LHFPL2: variants seen among roughly 807,000 people sequenced by gnomAD.
The protein encoded by LHFPL2 is LHFPL tetraspan subfamily member 2 protein.
In LHFPL2, 7 loss-of-function variants were observed where a neutral mutation model predicts 17.5. The observed-to-expected ratio is 0.40, with a 90% CI of 0.23 to 0.75. The LOEUF (loss-of-function observed/expected upper bound fraction) is 0.75. Ranked by LOEUF, LHFPL2 falls within the 30% of genes least tolerant of loss-of-function variation. LHFPL2 has a pLI of 0.37. For missense variants in LHFPL2, 241 were observed against 294.8 expected (o/e 0.82, Z 1.34); for synonymous variants, 134 against 116.2 (o/e 1.15, Z -0.99).
chr5:78,622,255 C>T (rs1383400350), intron 2 of LHFPL2, among the ~76,000 whole-genome samples: 1 of 152,126 alleles, frequency 6.6e-6, no homozygotes, highest in Non-Finnish European at 1.5e-5. Flanking sequence ...ACGCTCTGAG[C>T]ACCTTGGCTG....
Position 78,619,774 on chromosome 5 carries a change from C to T in LHFPL2, c.-245+12490G>A, listed in dbSNP as rs1413133707. ...TGCGGTGTTTGGTTTTTTGTCCTTG[C>T]AATAGTTTACTGAGAATGATGATTT... On this transcript the variant is annotated intron_variant, in intron 2 of 4. Transcript: ENST00000380345. Among the ~76,000 whole-genome samples, 25 of 134,392 alleles carry T rather than the reference C, an allele frequency of 1.9e-4. No individual in the cohort carries two copies. In the South Asian group the frequency reaches 5.5e-3, roughly 30 times the overall value. 88.2% of individuals were successfully genotyped at this position (134,392 alleles called of 152,430 possible). A position where few individuals can be genotyped will look rare whatever the true frequency, so the allele number is the denominator to read the frequency against.
intron 2 of LHFPL2, among the ~76,000 whole-genome samples, chr5:78,598,796 C>T (rs2112470001): frequency 6.6e-6 from 1 of 152,290 alleles, no homozygotes; most frequent in Non-Finnish European, 1.5e-5. Flanking sequence ...CAAATGAGAA[C>T]AATGACAATC....
At chr5:78,581,408 G>A (rs1220361389) in intron 2 of LHFPL2, among the ~76,000 whole-genome samples, 1 of 152,162 alleles carries the variant, frequency 6.6e-6, no homozygotes, top group East Asian at 1.9e-4. Flanking sequence ...TACACATTCA[G>A]TATGATATTG....
intron 2 of LHFPL2, among the ~76,000 whole-genome samples, chr5:78,594,664 T>C (rs1743764865): frequency 6.6e-6 from 1 of 152,212 alleles, no homozygotes; most frequent in African/African-American, 2.4e-5. Context: ...TTCCTAAGTG[T>C]TCCCCTGGGA....
At chr5:78,538,258 C>A (rs949217813) in intron 3 of LHFPL2, among the ~76,000 whole-genome samples, 41 of 152,332 alleles carry the variant, frequency 2.7e-4, no homozygotes, top group African/African-American at 9.6e-4. Flanking sequence ...GGGGTTCCAA[C>A]GTTCATGTCT....
At chr5:78,489,617 C>CA (rs965127040) in intron 4 of LHFPL2, among the ~76,000 whole-genome samples, 1 of 152,136 alleles carries the variant, frequency 6.6e-6, no homozygotes, top group South Asian at 2.1e-4. Flanking sequence ...AGGCTGGTCT[C>CA]AAACTCCTAA....
At chr5:78,571,157 C>A (rs546405320) in intron 2 of LHFPL2, among the ~76,000 whole-genome samples, 199 of 152,256 alleles carry the variant, frequency 1.3e-3, no homozygotes, top group African/African-American at 4.6e-3. Context: ...ACACCCACCC[C>A]CAGCTCATCT....
At chr5:78,546,734 G>A (rs1756288417) in intron 3 of LHFPL2, among the ~76,000 whole-genome samples, 1 of 152,106 alleles carries the variant, frequency 6.6e-6, no homozygotes, top group Non-Finnish European at 1.5e-5. Context: ...TATTGACTAC[G>A]AGTTTCTTGA....
chr5:78,641,649 A>C (rs1010437251), intron 1 of LHFPL2, among the ~76,000 whole-genome samples: 1 of 152,224 alleles, frequency 6.6e-6, no homozygotes, highest in African/African-American at 2.4e-5. Flanking sequence ...TTATTAAATC[A>C]AAGTCAGAAC....
chr5:78,488,841 C>T lies in LHFPL2; in HGVS notation c.*56G>A, dbSNP rs2112281534. ...TCTCCACTTGACTCAAATGATGAAA[C>T]TGTGGACTGTTTCACAAGATTACTC... On this transcript the variant is annotated 3_prime_UTR_variant, in exon 5 of 5. Coordinates refer to ENST00000380345, the MANE Select transcript of LHFPL2 (RefSeq NM_005779.3). 1.3e-6 allele frequency: 2 copies of T among 1,587,744 alleles called. No homozygotes were observed. Among genetic ancestry groups the T allele is most frequent in the Non-Finnish European group, 1.7e-6 (2 of 1,165,428 alleles).
intron 2 of LHFPL2, among the ~76,000 whole-genome samples, chr5:78,617,296 C>T (rs888103293): frequency 1.3e-5 from 2 of 152,176 alleles, no homozygotes; most frequent in Non-Finnish European, 2.9e-5. Context: ...TCCCAAAGTG[C>T]AGGGATTACA....
chr5:78,504,978 TGGCCGGTG>T (rs1754889092), intron 4 of LHFPL2, among the ~76,000 whole-genome samples: 1 of 152,220 alleles, frequency 6.6e-6, no homozygotes, highest in African/African-American at 2.4e-5. Context: ...AGCAGGCAGC[TGGCCGGTG>T]GCTCATGCTT....
intron 2 of LHFPL2, among the ~76,000 whole-genome samples, chr5:78,592,927 C>T (rs1162670431): frequency 1.3e-5 from 2 of 152,180 alleles, no homozygotes; most frequent in Non-Finnish European, 2.9e-5. Flanking sequence ...AGTTCTGGAG[C>T]TGGTGGTGAT....
intron 3 of LHFPL2, among the ~76,000 whole-genome samples, chr5:78,540,593 G>C (rs1290145735): frequency 6.6e-6 from 1 of 152,230 alleles, no homozygotes; most frequent in African/African-American, 2.4e-5. Context: ...AGGTCTCTGA[G>C]ATGGGAGGCC....
chr5:78,523,823 A>T (rs1755535256), intron 3 of LHFPL2, among the ~76,000 whole-genome samples: 1 of 152,216 alleles, frequency 6.6e-6, no homozygotes, highest in Non-Finnish European at 1.5e-5. Flanking sequence ...ATTAAAAGAA[A>T]AAAGTCCCAA....
Position 78,486,167 on chromosome 5 carries a change from CCA to C in LHFPL2, c.*2728_*2729del, listed in dbSNP as rs1189295383. The C allele has an allele frequency of 6.6e-6, 1 of 152,570 alleles. No homozygotes were observed. The highest frequency in any genetic ancestry group is 1.5e-5 in the Non-Finnish European group (1 of 68,032). 9.5% of individuals were successfully genotyped at this position (152,570 alleles called of 1,614,324 possible). ...TATATGTTTAACAAAGATCATTACA[CCA>C]CAGATGTTTGAAAACTATACAAAAA... On this transcript the variant is annotated 3_prime_UTR_variant, in exon 5 of 5. Transcript: ENST00000380345.
In LHFPL2 at chr5:78,585,562, C is replaced by T. The variant is rs573937616; in HGVS notation, c.-244-20691G>A. 1.9e-3 allele frequency among the ~76,000 whole-genome samples: 285 copies of T among 152,214 alleles called. 1 individual carries two copies. Among genetic ancestry groups the T allele is most frequent in the Non-Finnish European group, 3.4e-3 (233 of 68,008 alleles). On this transcript the variant is annotated intron_variant, in intron 2 of 4. Coordinates refer to ENST00000380345, the MANE Select transcript of LHFPL2 (RefSeq NM_005779.3). ...CTCAGATGGAAATGCAGAAATCACC[C>T]GTCTTCTGCGTCGCTCATGCTGGGA...
At position 78,583,889 on chromosome 5, in the gene LHFPL2, G is replaced by C. The variant is rs1432051275; in HGVS notation, c.-244-19018C>G. Among the ~76,000 whole-genome samples, 215 of 149,284 alleles carry C rather than the reference G, an allele frequency of 1.4e-3. 7 individuals are homozygous for C. The South Asian group carries it at 0.044, about 30-fold the overall frequency. ...ATCCTGCAGAGTGTTTTCCAACTTG[G>C]TTCCATTCTCCCCATCACTTTCAGG... On this transcript the variant is annotated intron_variant, in intron 2 of 4. Coordinates refer to ENST00000380345, the MANE Select transcript of LHFPL2 (RefSeq NM_005779.3).
At chr5:78,572,539 C>CATAT (rs149879461) in intron 2 of LHFPL2, among the ~76,000 whole-genome samples, 2 of 149,910 alleles carry the variant, frequency 1.3e-5, no homozygotes, top group African/African-American at 4.9e-5. Context: ...TATACACACA[C>CATAT]ATATATATAT....
Sources: gnomAD v4.1 joint callset for allele counts (sites outside exome capture counted in the v4.1 genomes callset) on GRCh38, gnomAD v4.1.1 for gene constraint, MANE v1.5 for transcripts, NCBI Gene and HGNC (gene_info 2026-07-23, HGNC 2026-07-21) for gene names.